Variants in CKAP2L observed in about 807,000 individuals in gnomAD.
CKAP2L encodes the protein cytoskeleton associated protein 2L, also known as cytoskeleton-associated protein 2-like.
In CKAP2L, 42 loss-of-function variants were observed where a neutral mutation model predicts 65.7. That is an observed-to-expected ratio of 0.64 (90% CI 0.50 to 0.83). The LOEUF (loss-of-function observed/expected upper bound fraction) is 0.83, where lower values mean the gene tolerates loss of function less well. Among genes scored for constraint, CKAP2L ranks in the 40% least tolerant of loss-of-function variants. CKAP2L has a pLI of 0.00. For missense variants in CKAP2L, 908 were observed against 871.0 expected (o/e 1.04, Z -0.53); for synonymous variants, 325 against 313.5 (o/e 1.04, Z -0.39).
At chr2:112,763,182 G>C (rs1680784225) in intron 1 of CKAP2L, among the ~76,000 whole-genome samples, 1 of 152,148 alleles carries the variant, frequency 6.6e-6, no homozygotes, top group South Asian at 2.1e-4. Context: ...AAGTTACCCA[G>C]CTAATATGTG....
chr2:112,753,686 C>T (rs1431023170), intron 4 of CKAP2L, among the ~76,000 whole-genome samples: 1 of 151,978 alleles, frequency 6.6e-6, no homozygotes, highest in Admixed American at 6.6e-5. Flanking sequence ...TGCCACCACA[C>T]CCGGCTAATT....
chr2:112,757,239 T>C (rs1680570198), intron 3 of CKAP2L, 25 bp from the exon 4 acceptor site: 2 of 1,483,632 alleles, frequency 1.3e-6, no homozygotes, highest in African/African-American at 2.8e-5. Context: ...AAAATACATA[T>C]TAAAAAATCC....
Position 112,737,239 on chromosome 2 carries a change from GTACA to G in CKAP2L, c.*1580_*1583del, listed in dbSNP as rs1354508722. 6 of 152,084 alleles carry G rather than the reference GTACA, an allele frequency of 3.9e-5. No individual in the cohort carries two copies. The highest frequency in any genetic ancestry group is 1.4e-4 in the African/African-American group (6 of 41,398). 9.4% of individuals were successfully genotyped at this position (152,084 alleles called of 1,614,324 possible). Reference sequence around the variant, plus strand: ...CAGCTGGTGATTTCATCTTCTTTGGGTACATACTTACTCAGAAGAGGGTCAGATA... The same window carrying G: ...CAGCTGGTGATTTCATCTTCTTTGGGTACTTACTCAGAAGAGGGTCAGATA... On this transcript the variant is annotated 3_prime_UTR_variant, in exon 9 of 9. Coordinates refer to ENST00000302450, the MANE Select transcript of CKAP2L (RefSeq NM_152515.5).
At chr2:112,749,099 A>G (rs1210610862) in intron 5 of CKAP2L, among the ~76,000 whole-genome samples, 1 of 152,236 alleles carries the variant, frequency 6.6e-6, no homozygotes, top group Non-Finnish European at 1.5e-5. Context: ...ATGTGTACGA[A>G]CTAAATTTGC....
Position 112,737,909 on chromosome 2 carries a change from AAATATT to A in CKAP2L, c.*908_*913del, listed in dbSNP as rs1365877190. 2 of 152,242 alleles carry A rather than the reference AAATATT, an allele frequency of 1.3e-5. No individual in the cohort carries two copies. Among genetic ancestry groups the A allele is most frequent in the Admixed American group, 6.5e-5 (1 of 15,282 alleles). 9.4% of individuals were successfully genotyped at this position (152,242 alleles called of 1,614,324 possible). ...TTAATGTTGTTTTAAGATAATACTT[AAATATT>A]AAGAAAGCTAAAATTTAAAATGTGT... On this transcript the variant is annotated 3_prime_UTR_variant, in exon 9 of 9. Coordinates refer to ENST00000302450, the MANE Select transcript of CKAP2L (RefSeq NM_152515.5).
At chr2:112,742,534 T>C in intron 7 of CKAP2L, 172 bp downstream of exon 7, 1 of 711,310 alleles carries the variant, frequency 1.4e-6, no homozygotes, top group Non-Finnish European at 2.6e-6. Context: ...CATTTACTTG[T>C]AATAATACAA....
Position 112,738,882 on chromosome 2 carries a change from T to G in CKAP2L, c.2179A>C (p.Ile727Leu). The change falls in exon 9 of 9, where the codon ATA becomes CTA. Residue 727 changes from isoleucine (I) to leucine (L), a missense_variant. Transcript: ENST00000302450. ...GGCAGCGCCTCATTTCTACGGAATA[T>G]AAAACATTTTGTTTCTTCCACTTCT... is the stretch of plus-strand genomic sequence containing the variant. ...LLEVEETKCFIFRRNEALPVT... is the reference protein window; with the variant it reads ...LLEVEETKCFLFRRNEALPVT... 1.2e-6 allele frequency: 2 copies of G among 1,614,122 alleles called. No homozygotes were observed. Among genetic ancestry groups the G allele is most frequent in the Non-Finnish European group, 8.5e-7 (1 of 1,179,946 alleles).
chr2:112,755,219 T>A (rs749545300), intron 4 of CKAP2L, among the ~76,000 whole-genome samples: 3 of 152,206 alleles, frequency 2.0e-5, no homozygotes, highest in Non-Finnish European at 2.9e-5. Context: ...TGGTCCTGGG[T>A]AGAAAGTGTA....
rs762778094 is a variant in CKAP2L at position 112,738,775 on chromosome 2, G to C, written c.*48C>G. The C allele has an allele frequency of 7.9e-7, 1 of 1,261,678 alleles. No individual in the cohort carries two copies. Among genetic ancestry groups the C allele is most frequent in the Non-Finnish European group, 1.2e-6 (1 of 863,354 alleles). 78.2% of individuals were successfully genotyped at this position (1,261,678 alleles called of 1,614,324 possible). ...GGTCACTTGGACAAGAATATTTCTT[G>C]TCTTATGTTGGTTCTGAAACACCTT... On this transcript the variant is annotated 3_prime_UTR_variant, in exon 9 of 9. Coordinates refer to ENST00000302450, the MANE Select transcript of CKAP2L (RefSeq NM_152515.5).
intron 4 of CKAP2L, among the ~76,000 whole-genome samples, chr2:112,753,009 T>C (rs533275713): frequency 3.2e-4 from 48 of 152,316 alleles, no homozygotes; most frequent in African/African-American, 1.1e-3. Context: ...AGCTGATCTC[T>C]GATAGTGCCA....
At chr2:112,759,243 T>C (rs1043105004) in intron 3 of CKAP2L, among the ~76,000 whole-genome samples, 6 of 91,716 alleles carry the variant, frequency 6.5e-5, no homozygotes, top group Non-Finnish European at 1.2e-4. Flanking sequence ...CTTTTTACTC[T>C]CAAAGTGTCC....
At chr2:112,746,358 A>G (rs539672802) in intron 6 of CKAP2L, 62 bp downstream of exon 6, 5 of 1,402,516 alleles carry the variant, frequency 3.6e-6, no homozygotes, top group African/African-American at 2.8e-5. Flanking sequence ...ATTACAAACA[A>G]CAACAGAGAA....
chr2:112,754,265 T>C (rs1404222610), intron 4 of CKAP2L, among the ~76,000 whole-genome samples: 2 of 152,218 alleles, frequency 1.3e-5, no homozygotes, highest in African/African-American at 4.8e-5. Context: ...TTTTCCAGAA[T>C]GCCAATAACT....
chr2:112,762,575 AC>A lies in CKAP2L; in HGVS notation c.38-7del. On this transcript the variant is annotated splice_region_variant and splice_polypyrimidine_tract_variant and intron_variant, in intron 1 of 8. Transcript: ENST00000302450. ...AAGCTTTCTCTGCCGCTCTTCTGCA[AC>A]ACAGGCAAGCAAACAAACGACATAA... 6.2e-7 allele frequency: 1 copy of A among 1,612,288 alleles called. No individual in the cohort carries two copies. The highest frequency in any genetic ancestry group is 8.5e-7 in the Non-Finnish European group (1 of 1,178,300).
intron 6 of CKAP2L, among the ~76,000 whole-genome samples, chr2:112,744,609 A>G (rs529162918): frequency 2.6e-4 from 39 of 152,098 alleles, no homozygotes; most frequent in Non-Finnish European, 5.0e-4. Context: ...GAGATAAGCA[A>G]AAGTTTCTAT....
At chr2:112,746,697 T>TA in intron 5 of CKAP2L, 122 bp from the exon 6 acceptor site, 1 of 638,766 alleles carries the variant, frequency 1.6e-6, no homozygotes, top group Admixed American at 3.2e-5. Flanking sequence ...TTTGAACTTT[T>TA]AAAAAAATTT....
At chr2:112,745,238 C>G (rs527778570) in intron 6 of CKAP2L, among the ~76,000 whole-genome samples, 20 of 152,114 alleles carry the variant, frequency 1.3e-4, no homozygotes, top group African/African-American at 4.8e-4. Context: ...AGACAATTAG[C>G]GAAGAGTTTG....
At chr2:112,751,710 T>C (rs1680377918) in intron 5 of CKAP2L, among the ~76,000 whole-genome samples, 1 of 152,214 alleles carries the variant, frequency 6.6e-6, no homozygotes, top group Non-Finnish European at 1.5e-5. Context: ...GCAAGGATCT[T>C]AGAAGTTTAT....
At position 112,762,572 on chromosome 2, in the gene CKAP2L, G is replaced by A. The variant is rs1214044037; in HGVS notation, c.38-3C>T. On this transcript the variant is annotated splice_polypyrimidine_tract_variant and splice_region_variant and intron_variant, in intron 1 of 8. Transcript: ENST00000302450. ...CTGAAGCTTTCTCTGCCGCTCTTCT[G>A]CAACACAGGCAAGCAAACAAACGAC... 1.2e-6 allele frequency: 2 copies of A among 1,611,748 alleles called. No homozygotes were observed. The highest frequency in any genetic ancestry group is 1.7e-6 in the Non-Finnish European group (2 of 1,178,048).
Sources: allele counts gnomAD v4.1 joint callset (sites outside exome capture counted in the v4.1 genomes callset), GRCh38; gene constraint gnomAD v4.1.1; transcripts MANE v1.5; gene names NCBI Gene and HGNC (gene_info 2026-07-23, HGNC 2026-07-21).